The following GALNT10 variants were observed in gnomAD, a reference collection of about 807,000 sequenced individuals.
GALNT10 encodes the protein GalNAc transferase 10.
GALNT10 carries 41 observed loss-of-function variants against 75.0 expected under a neutral mutation model. That is an observed-to-expected ratio of 0.55 (90% CI 0.43 to 0.71). GALNT10 has a LOEUF of 0.71. Among genes scored for constraint, GALNT10 ranks in the 30% least tolerant of loss-of-function variants. The pLI, the probability that GALNT10 is intolerant of heterozygous loss-of-function variation, is 0.00. For synonymous variants in GALNT10, 302 were observed against 313.0 expected (o/e 0.96, Z 0.37); for missense variants, 727 against 818.5 (o/e 0.89, Z 1.36).
At chr5:154,408,239 C>G (rs1756323525) in intron 8 of GALNT10, among the ~76,000 whole-genome samples, 1 of 152,136 alleles carries the variant, frequency 6.6e-6, no homozygotes, top group Admixed American at 6.5e-5. Context: ...TTTGGGACCC[C>G]TGCCTGACCT....
chr5:154,255,258 C>T (rs1753588966), intron 1 of GALNT10, among the ~76,000 whole-genome samples: 1 of 152,102 alleles, frequency 6.6e-6, no homozygotes, highest in Non-Finnish European at 1.5e-5. Context: ...GGTGCAGACT[C>T]ATCAAGGTAT....
intron 1 of GALNT10, among the ~76,000 whole-genome samples, chr5:154,268,253 C>A (rs1404604086): frequency 6.6e-6 from 1 of 152,174 alleles, no homozygotes; most frequent in African/African-American, 2.4e-5. Flanking sequence ...ATATTGGGCA[C>A]AGCACAGTCC....
intron 3 of GALNT10, among the ~76,000 whole-genome samples, chr5:154,325,648 A>G (rs1234577086): frequency 3.3e-5 from 5 of 150,848 alleles, no homozygotes; most frequent in Non-Finnish European, 7.4e-5. Context: ...AAAAAAAGCC[A>G]TTTGACAAAA....
chr5:154,383,192 C>A (rs1296841140), intron 6 of GALNT10, among the ~76,000 whole-genome samples: 1 of 152,142 alleles, frequency 6.6e-6, no homozygotes, highest in Non-Finnish European at 1.5e-5. Flanking sequence ...TTGGACAGAA[C>A]CCTAGGAAGT....
At chr5:154,367,759 G>A (rs1338496101) in intron 4 of GALNT10, among the ~76,000 whole-genome samples, 2 of 151,838 alleles carry the variant, frequency 1.3e-5, no homozygotes, top group Non-Finnish European at 2.9e-5. Flanking sequence ...TCAGGAGGCT[G>A]AGGCAGGAGA....
Position 154,402,996 on chromosome 5 carries a change from C to G in GALNT10, c.1057-1108C>G, listed in dbSNP as rs2113210438. On this transcript the variant is annotated intron_variant, in intron 7 of 11. Coordinates refer to ENST00000297107, the MANE Select transcript of GALNT10 (RefSeq NM_198321.4). The surrounding 1 kb of genome is among the most constrained non-coding windows in gnomAD (Gnocchi z 4.2). Reference sequence around the variant, plus strand: ...AGGGATTGTGAGGCCACTTCGGAGGCTGGGGCCTCGGCTGACTGATTCACT... The same window carrying G: ...AGGGATTGTGAGGCCACTTCGGAGGGTGGGGCCTCGGCTGACTGATTCACT... 1 of 152,598 alleles carries G rather than the reference C, an allele frequency of 6.6e-6. No homozygotes were observed. Among genetic ancestry groups the G allele is most frequent in the South Asian group, 2.1e-4 (1 of 4,842 alleles). The allele number at this position is 152,598 out of a possible 1,614,324, so 9.5% of individuals were successfully genotyped here. A position where few individuals can be genotyped will look rare whatever the true frequency, so the allele number is the denominator to read the frequency against.
intron 5 of GALNT10, among the ~76,000 whole-genome samples, chr5:154,378,361 C>T (rs1306393458): frequency 6.9e-6 from 1 of 144,320 alleles, no homozygotes; most frequent in Admixed American, 7.0e-5. Context: ...GCTCTCATAA[C>T]CCCTTCACTT....
At chr5:154,306,536 A>G (rs987935826) in intron 3 of GALNT10, among the ~76,000 whole-genome samples, 9 of 152,218 alleles carry the variant, frequency 5.9e-5, no homozygotes, top group African/African-American at 2.2e-4. Flanking sequence ...CTACTACATA[A>G]GGGGAAATTT....
At chr5:154,248,751 C>CA (rs1753470478) in intron 1 of GALNT10, among the ~76,000 whole-genome samples, 1 of 152,078 alleles carries the variant, frequency 6.6e-6, no homozygotes. Context: ...TTGATCTTTT[C>CA]AAAAAATCAG....
intron 9 of GALNT10, among the ~76,000 whole-genome samples, chr5:154,410,861 T>TA (rs1756385062): frequency 6.6e-6 from 1 of 152,224 alleles, no homozygotes; most frequent in Non-Finnish European, 1.5e-5. Context: ...AGATTTCACT[T>TA]ACAAAACAGT....
At chr5:154,255,771 G>T (rs915798233) in intron 1 of GALNT10, among the ~76,000 whole-genome samples, 1 of 151,900 alleles carries the variant, frequency 6.6e-6, no homozygotes, top group Non-Finnish European at 1.5e-5. Context: ...GAGCTGGGAG[G>T]TTACTAAGGG....
chr5:154,261,994 G>A (rs575527010), intron 1 of GALNT10, among the ~76,000 whole-genome samples: 13 of 152,254 alleles, frequency 8.5e-5, no homozygotes, highest in East Asian at 5.8e-4. Context: ...TGGAAGAGTC[G>A]TGGGATACTC....
chr5:154,309,760 G>T (rs571234466), intron 3 of GALNT10, among the ~76,000 whole-genome samples: 6 of 152,190 alleles, frequency 3.9e-5, no homozygotes, highest in Non-Finnish European at 8.8e-5. Flanking sequence ...GGAAAATCAC[G>T]ATTTTGATTG....
chr5:154,224,663 C>T (rs1753033291), intron 1 of GALNT10, among the ~76,000 whole-genome samples: 1 of 152,058 alleles, frequency 6.6e-6, no homozygotes, highest in South Asian at 2.1e-4. Context: ...ATTCTATAAA[C>T]AGTCATTTGA....
chr5:154,315,047 G>A (rs1754576745), intron 3 of GALNT10, among the ~76,000 whole-genome samples: 1 of 151,998 alleles, frequency 6.6e-6, no homozygotes, highest in Non-Finnish European at 1.5e-5. Context: ...CTATGACCTG[G>A]AAGTCCAGGT....
chr5:154,413,345 C>T (rs142754524), intron 10 of GALNT10, among the ~76,000 whole-genome samples: 5 of 152,346 alleles, frequency 3.3e-5, no homozygotes, highest in South Asian at 4.1e-4. Flanking sequence ...GCCTCATTCT[C>T]AACCTGGCCC....
intron 1 of GALNT10, 49 bp downstream of exon 1, chr5:154,191,074 A>G (rs1774852005): frequency 1.6e-6 from 2 of 1,267,964 alleles, no homozygotes. Context: ...TCCCGAATTC[A>G]CTTTTAGCCT....
At chr5:154,337,453 T>C in intron 4 of GALNT10, 1 of 690,954 alleles carries the variant, frequency 1.4e-6, no homozygotes, top group Non-Finnish European at 2.7e-6. Flanking sequence ...TAAGCTTTGT[T>C]TTCTTGCAGT....
intron 1 of GALNT10, among the ~76,000 whole-genome samples, chr5:154,212,535 G>A (rs778185752): frequency 6.6e-6 from 1 of 152,202 alleles, no homozygotes; most frequent in African/African-American, 2.4e-5. Context: ...TCACATTTTC[G>A]TCTGATTTCT....
Sources: allele counts gnomAD v4.1 joint callset (sites outside exome capture counted in the v4.1 genomes callset), GRCh38; gene constraint gnomAD v4.1.1; non-coding constraint Gnocchi (gnomAD v3.1); transcripts MANE v1.5; gene names NCBI Gene and HGNC (gene_info 2026-07-23, HGNC 2026-07-21).